Variants in VRK1 observed in about 807,000 individuals in gnomAD.
VRK1 encodes the protein serine/threonine-protein kinase VRK1.
In VRK1, 33 loss-of-function variants were observed where a neutral mutation model predicts 57.1. The observed-to-expected ratio is 0.58, with a 90% CI of 0.44 to 0.77. The LOEUF (loss-of-function observed/expected upper bound fraction) is 0.77, where lower values mean the gene tolerates loss of function less well. VRK1 is among the 30% of genes least tolerant of loss of function. VRK1 has a pLI of 0.00. For missense variants in VRK1, 413 were observed against 477.3 expected (o/e 0.87, Z 1.25); for synonymous variants, 137 against 147.8 (o/e 0.93, Z 0.53).
intron 5 of VRK1, among the ~76,000 whole-genome samples, chr14:96,851,323 T>A (rs1054353535): frequency 2.0e-5 from 3 of 152,086 alleles, no homozygotes; most frequent in Non-Finnish European, 2.9e-5. Flanking sequence ...GTGTTTTTAG[T>A]AGAGACGGGG....
chr14:96,841,570 A>G (rs1887462745), intron 3 of VRK1, among the ~76,000 whole-genome samples: 1 of 152,196 alleles, frequency 6.6e-6, no homozygotes, highest in African/African-American at 2.4e-5. Context: ...ACAAAACAAT[A>G]CTACTGACCA....
intron 1 of VRK1, among the ~76,000 whole-genome samples, chr14:96,802,602 G>A (rs142873610): frequency 6.5e-4 from 99 of 152,336 alleles, no homozygotes; most frequent in African/African-American, 2.3e-3. Flanking sequence ...GACTTTCTTT[G>A]AGATGATAGA....
intron 11 of VRK1, among the ~76,000 whole-genome samples, chr14:96,868,801 CTTTT>C (rs34215586): frequency 4.0e-5 from 5 of 124,332 alleles, no homozygotes; most frequent in Non-Finnish European, 5.0e-5. Context: ...CATTTCTGTG[CTTTT>C]TTTTTTTTTT....
intron 10 of VRK1, among the ~76,000 whole-genome samples, chr14:96,859,677 A>G (rs932544624): frequency 1.3e-5 from 2 of 152,104 alleles, no homozygotes; most frequent in Admixed American, 6.5e-5. Flanking sequence ...GTGTGTGTGT[A>G]GAACTGATAA....
Position 96,853,152 on chromosome 14 carries a change from A to C in VRK1, c.562A>C (p.Lys188Gln), listed in dbSNP as rs201449350. 6.2e-7 allele frequency: 1 copy of C among 1,613,474 alleles called. No individual in the cohort carries two copies. The highest frequency in any genetic ancestry group is 2.2e-5 in the East Asian group (1 of 44,860). The change falls in exon 7 of 13, where the codon AAG becomes CAG. Residue 188 changes from lysine to glutamine, a missense_variant. By Grantham distance (53) the Lys-to-Gln change is moderately conservative (BLOSUM62 1). Coordinates refer to ENST00000216639, the MANE Select transcript of VRK1 (RefSeq NM_003384.3). Reference sequence around the variant, plus strand: ...GGCCTCAAATCTTCTTCTGAACTACAAGAATCCTGACCAGGTAGTTTTATA... The same window carrying C: ...GGCCTCAAATCTTCTTCTGAACTACCAGAATCCTGACCAGGTAGTTTTATA... ...IKASNLLLNY[K>Q]NPDQVYLVDY... is the part of the protein sequence containing the mutation.
chr14:96,878,304 G>GT (rs1429238496), intron 12 of VRK1, among the ~76,000 whole-genome samples: 1 of 152,144 alleles, frequency 6.6e-6, no homozygotes, highest in East Asian at 1.9e-4. Context: ...TATTACATTT[G>GT]TTTTTTTAAT....
intron 7 of VRK1, among the ~76,000 whole-genome samples, chr14:96,853,961 C>T (rs976367927): frequency 4.6e-5 from 7 of 152,032 alleles, no homozygotes; most frequent in African/African-American, 1.7e-4. Context: ...CTCAAATGTA[C>T]CTTTAACTAC....
chr14:96,864,358 T>G (rs1595683526), intron 11 of VRK1, among the ~76,000 whole-genome samples: 2 of 152,222 alleles, frequency 1.3e-5, no homozygotes, highest in African/African-American at 4.8e-5. Flanking sequence ...TTGCAATTTT[T>G]GGGGAAATTT....
chr14:96,804,456 A>C (rs866834590), intron 1 of VRK1, among the ~76,000 whole-genome samples: 59 of 152,354 alleles, frequency 3.9e-4, no homozygotes, highest in Middle Eastern at 3.4e-3. Flanking sequence ...TTTAGAGAAT[A>C]ACATGGGCAA....
chr14:96,818,164 C>T (rs969617354), intron 1 of VRK1, among the ~76,000 whole-genome samples: 2 of 152,172 alleles, frequency 1.3e-5, no homozygotes, highest in African/African-American at 4.8e-5. Context: ...AGTGAGGTGT[C>T]TTGGGCTTGT....
chr14:96,856,579 C>T lies in VRK1; in HGVS notation c.882C>T (p.Asn294=), dbSNP rs541660707. The T allele has an allele frequency of 3.7e-6, 6 of 1,613,164 alleles. No homozygotes were observed. The African/African-American group carries it at 5.3e-5, about 14-fold the overall frequency. Residue 294 remains asparagine (N), a synonymous_variant, in exon 10 of 13, where the codon AAC becomes AAT. Transcript: ENST00000216639. ...TGGACAAATGTTTTCCTGAGAAAAA[C>T]AAACCAGGTAGGAAATGACTTCTTC... is the stretch of plus-strand genomic sequence containing the variant. The part of the protein sequence containing the change: ...SLMDKCFPEK[N]KPGEIAKYME...
chr14:96,850,686 G>T (rs1019560415), intron 5 of VRK1, among the ~76,000 whole-genome samples: 4 of 152,286 alleles, frequency 2.6e-5, no homozygotes, highest in South Asian at 2.1e-4. Flanking sequence ...TGTTACAGAG[G>T]TTGTATTTTT....
intron 12 of VRK1, among the ~76,000 whole-genome samples, chr14:96,880,048 G>T (rs1889195691): frequency 6.6e-6 from 1 of 152,040 alleles, no homozygotes; most frequent in African/African-American, 2.4e-5. Context: ...TCAAATTTTA[G>T]AATCAATCAT....
chr14:96,836,982 C>A (rs531699857), intron 2 of VRK1, among the ~76,000 whole-genome samples: 1 of 152,084 alleles, frequency 6.6e-6, no homozygotes, highest in Non-Finnish European at 1.5e-5. Context: ...CCTTTCTTTC[C>A]TGCTTAATTT....
At chr14:96,839,324 G>GAA (rs1345564647) in intron 3 of VRK1, among the ~76,000 whole-genome samples, 2 of 152,018 alleles carry the variant, frequency 1.3e-5, no homozygotes, top group African/African-American at 4.8e-5. Context: ...TCTTGTACAA[G>GAA]TGTTTTTATG....
intron 1 of VRK1, among the ~76,000 whole-genome samples, chr14:96,831,855 T>C (rs140393808): frequency 1.4e-4 from 21 of 152,348 alleles, no homozygotes; most frequent in Non-Finnish European, 2.9e-4. Context: ...TTGGAAGTAC[T>C]ATGTGTTTTA....
chr14:96,844,845 C>G (rs891771554), intron 3 of VRK1, among the ~76,000 whole-genome samples: 1 of 152,150 alleles, frequency 6.6e-6, no homozygotes, highest in African/African-American at 2.4e-5. Flanking sequence ...CTATGCCAGG[C>G]CTTCTTCTAA....
At chr14:96,807,303 G>A (rs1430378955) in intron 1 of VRK1, among the ~76,000 whole-genome samples, 2 of 152,302 alleles carry the variant, frequency 1.3e-5, no homozygotes, top group African/African-American at 4.8e-5. Context: ...TGTGGAACAG[G>A]CTGAATCCCT....
intron 8 of VRK1, 82 bp from the exon 9 acceptor site, chr14:96,856,048 T>C: frequency 6.6e-7 from 1 of 1,504,308 alleles, no homozygotes; most frequent in Non-Finnish European, 9.1e-7. Flanking sequence ...TGACTTGTTT[T>C]ATGTTATTAC....
Sources: allele counts gnomAD v4.1 joint callset (sites outside exome capture counted in the v4.1 genomes callset), GRCh38; gene constraint gnomAD v4.1.1; transcripts MANE v1.5; gene names NCBI Gene and HGNC (gene_info 2026-07-23, HGNC 2026-07-21).